The following PCDH15 variants were observed in gnomAD, a reference collection of about 807,000 sequenced individuals.
PCDH15 encodes the protein protocadherin related 15.
PCDH15 carries 129 observed loss-of-function variants against 178.5 expected under a neutral mutation model. The ratio of observed to expected loss-of-function variants is 0.72; its 90% confidence interval spans 0.63 to 0.84. The LOEUF (loss-of-function observed/expected upper bound fraction) is 0.84, where lower values mean the gene tolerates loss of function less well. PCDH15 is among the 40% of genes least tolerant of loss of function. The probability of loss-of-function intolerance (pLI) is 0.00; values close to 1 mark genes in which losing one functional copy is unlikely to be tolerated. For missense variants in PCDH15, 2,230 were observed against 2,099.9 expected (o/e 1.06, Z -1.21); for synonymous variants, 800 against 732.0 (o/e 1.09, Z -1.50).
intron 2 of PCDH15, among the ~76,000 whole-genome samples, chr10:55,440,250 G>C (rs2132067713): frequency 6.6e-6 from 1 of 152,220 alleles, no homozygotes; most frequent in Non-Finnish European, 1.5e-5. Flanking sequence ...ACAGCTGTGA[G>C]GAATACTCTT....
chr10:54,656,856 A>G (rs1181471718), intron 2 of PCDH15, among the ~76,000 whole-genome samples: 1 of 152,170 alleles, frequency 6.6e-6, no homozygotes, highest in East Asian at 1.9e-4. Flanking sequence ...AGAGGTAGTC[A>G]TCTTCTGCTC....
intron 32 of PCDH15, chr10:53,823,150 T>A: frequency 6.2e-7 from 1 of 1,614,024 alleles, no homozygotes; most frequent in South Asian, 1.1e-5. Context: ...TAAAGGGGAT[T>A]ATGGGCACTT....
intron 21 of PCDH15, among the ~76,000 whole-genome samples, chr10:53,969,987 A>G (rs1239177628): frequency 5.3e-5 from 8 of 152,188 alleles, no homozygotes; most frequent in African/African-American, 1.9e-4. Context: ...TCATAATGAC[A>G]GGATCAAATT....
chr10:54,815,099 G>A (rs1371569707), intron 3 of PCDH15, among the ~76,000 whole-genome samples: 2 of 151,372 alleles, frequency 1.3e-5, no homozygotes, highest in African/African-American at 2.4e-5. Flanking sequence ...GGTTTGGACT[G>A]TGCAGGTCCA....
rs116707911 is a variant in PCDH15 at position 54,271,700 on chromosome 10, G to A, written c.877-34769C>T. ...AGTATAAAAGATACAGATGAATAAA[G>A]TGTAATAATTCTTATACTCACTATT... On this transcript the variant is annotated intron_variant, in intron 8 of 37. Transcript: ENST00000644397. Among the ~76,000 whole-genome samples the A allele has an allele frequency of 5.4e-3, 827 of 152,190 alleles. 9 individuals are homozygous for A. Among genetic ancestry groups the A allele is most frequent in the African/African-American group, 0.019 (794 of 41,524 alleles).
chr10:54,114,612 T>C (rs980337062), intron 15 of PCDH15, among the ~76,000 whole-genome samples: 5 of 152,094 alleles, frequency 3.3e-5, no homozygotes, highest in Non-Finnish European at 1.5e-5. Flanking sequence ...GCATATAGGA[T>C]TACAGCAAAG....
At chr10:54,957,185 C>T (rs1374920678) in intron 2 of PCDH15, among the ~76,000 whole-genome samples, 1 of 151,380 alleles carries the variant, frequency 6.6e-6, no homozygotes, top group African/African-American at 2.4e-5. Context: ...AAATGAAGTG[C>T]AAACTTCAAA....
chr10:54,288,817 G>A (rs550833918), intron 8 of PCDH15, among the ~76,000 whole-genome samples: 6 of 152,298 alleles, frequency 3.9e-5, no homozygotes, highest in East Asian at 3.9e-4. Context: ...GGGGAGGTGC[G>A]TCTGCCATTG....
At chr10:55,487,789 T>G (rs1269952837) in intron 2 of PCDH15, among the ~76,000 whole-genome samples, 1 of 151,648 alleles carries the variant, frequency 6.6e-6, no homozygotes, top group African/African-American at 2.4e-5. Context: ...AGAGCCTACA[T>G]GTCTTTTAGA....
Position 55,055,562 on chromosome 10 carries a change from G to A in PCDH15, c.-80+111014C>T, listed in dbSNP as rs138812835. On this transcript the variant is annotated intron_variant, in intron 2 of 5. Transcript: ENST00000458638. ...TCACACCTGTCATCGCAGCACTTTG[G>A]GAGGCTGAGGCAGGTGGATACCTTG... Among the ~76,000 whole-genome samples, 54 of 152,272 alleles carry A rather than the reference G, an allele frequency of 3.5e-4. No homozygotes were observed. In the East Asian group the frequency reaches 9.1e-3, roughly 26 times the overall value.
chr10:54,236,987 G>T, intron 8 of PCDH15, 56 bp from the exon 9 acceptor site: 4 of 1,360,896 alleles, frequency 2.9e-6, no homozygotes, highest in African/African-American at 1.4e-5. Flanking sequence ...CTTCATGAAG[G>T]ATTGAGACAG....
At chr10:54,659,077 A>C (rs989538665) in intron 2 of PCDH15, among the ~76,000 whole-genome samples, 1 of 152,204 alleles carries the variant, frequency 6.6e-6, no homozygotes, top group Non-Finnish European at 1.5e-5. Flanking sequence ...AACTGTCCTA[A>C]ATATATGCAC....
At chr10:54,887,724 C>T (rs1283889324) in intron 3 of PCDH15, among the ~76,000 whole-genome samples, 2 of 151,770 alleles carry the variant, frequency 1.3e-5, no homozygotes, top group East Asian at 3.9e-4. Flanking sequence ...CTATTAAAAA[C>T]TGGTGGATTT....
chr10:55,531,506 A>T (rs1003722093), intron 2 of PCDH15, among the ~76,000 whole-genome samples: 2 of 152,006 alleles, frequency 1.3e-5, no homozygotes, highest in African/African-American at 4.8e-5. Flanking sequence ...GAACCCCAAG[A>T]TATTTTAATT....
At chr10:55,213,125 A>G (rs1444121086) in intron 1 of PCDH15, among the ~76,000 whole-genome samples, 1 of 152,130 alleles carries the variant, frequency 6.6e-6, no homozygotes, top group African/African-American at 2.4e-5. Flanking sequence ...CTGGCGTAGA[A>G]ATTAAGTGTT....
intron 8 of PCDH15, among the ~76,000 whole-genome samples, chr10:54,309,334 C>T (rs1229217036): frequency 6.6e-6 from 1 of 151,024 alleles, no homozygotes; most frequent in Non-Finnish European, 1.5e-5. Context: ...CACACACACA[C>T]ACACACACAC....
chr10:55,599,841 G>T (rs1330439195), intron 2 of PCDH15: 8 of 1,081,866 alleles, frequency 7.4e-6, no homozygotes, highest in Non-Finnish European at 1.0e-5. Context: ...AAGGGTTGCG[G>T]TATCCTGAAC....
At chr10:55,397,814 C>A (rs2132021306) in intron 2 of PCDH15, among the ~76,000 whole-genome samples, 1 of 152,060 alleles carries the variant, frequency 6.6e-6, no homozygotes, top group East Asian at 2.0e-4. Context: ...CTCGAACGAA[C>A]TCCTGACCTC....
At position 54,094,913 on chromosome 10, in the gene PCDH15, G is replaced by A. The variant is rs139186049; in HGVS notation, c.1918-4850C>T. On this transcript the variant is annotated intron_variant, in intron 15 of 37. Transcript: ENST00000644397. ...AGGGAAACAAAAGTATTTATCCAAG[G>A]AAGCAGTGTTCTTAGACACTGGCAA... Among the ~76,000 whole-genome samples the A allele has an allele frequency of 1.2e-3, 179 of 152,214 alleles. No individual in the cohort carries two copies. In the Middle Eastern group the frequency reaches 0.024, roughly 20 times the overall value.
Sources: gnomAD v4.1 joint callset for allele counts (sites outside exome capture counted in the v4.1 genomes callset) on GRCh38, gnomAD v4.1.1 for gene constraint, MANE v1.5 for transcripts, NCBI Gene and HGNC (gene_info 2026-07-23, HGNC 2026-07-21) for gene names.